LRP2: variants seen among roughly 807,000 people sequenced by gnomAD.
LRP2 encodes the protein LDL receptor related protein 2, also known as low-density lipoprotein receptor-related protein 2.
Under a neutral mutation model 531.0 loss-of-function variants are expected in LRP2, and 172 were observed. The ratio of observed to expected loss-of-function variants is 0.32; its 90% CI spans 0.29 to 0.37. The LOEUF is 0.37. LRP2 is among the 10% of genes least tolerant of loss of function. The pLI is 1.00. For missense variants in LRP2, 5,167 were observed against 5,868.3 expected (o/e 0.88, Z 3.90); for synonymous variants, 1,992 against 2,027.6 (o/e 0.98, Z 0.47).
intron 1 of LRP2, among the ~76,000 whole-genome samples, chr2:169,326,350 C>A (rs1393743365): frequency 6.6e-6 from 1 of 151,702 alleles, no homozygotes; most frequent in Non-Finnish European, 1.5e-5. Context: ...CGAGTGCCTG[C>A]GATTGCAGGC....
At chr2:169,320,024 G>A (rs1164894577) in intron 2 of LRP2, among the ~76,000 whole-genome samples, 1 of 152,140 alleles carries the variant, frequency 6.6e-6, no homozygotes, top group Non-Finnish European at 1.5e-5. Context: ...TCACCTGCTG[G>A]GATGAAGGAA....
intron 59 of LRP2, 103 bp from the exon 60 acceptor site, chr2:169,169,921 C>T: frequency 1.2e-6 from 1 of 808,602 alleles, no homozygotes; most frequent in Non-Finnish European, 2.2e-6. Context: ...TATCTACACC[C>T]TGTGACTGGC....
intron 38 of LRP2, 52 bp from the exon 39 acceptor site, chr2:169,207,302 A>G (rs1245870504): frequency 4.6e-6 from 6 of 1,316,728 alleles, no homozygotes; most frequent in African/African-American, 1.4e-5. Context: ...AAGAAGAAAA[A>G]AAGGGAGAAC....
rs1406675007 is a variant in LRP2, at chr2:169,269,830, A to G, written c.2320+1074T>C. Among the ~76,000 whole-genome samples the G allele has an allele frequency of 3.9e-5, 6 of 152,156 alleles. No homozygotes were observed. In the East Asian group the frequency reaches 9.7e-4, roughly 24 times the overall value. On this transcript the variant is annotated intron_variant, in intron 16 of 78. Transcript: ENST00000649046. ...AGAGTGAACAGGCAACCTACAGAAT[A>G]GGAGAAAATTTTTACAATCTACCCA... is the stretch of plus-strand genomic sequence containing the variant.
chr2:169,346,439 T>A (rs1685699098), intron 1 of LRP2, among the ~76,000 whole-genome samples: 1 of 151,820 alleles, frequency 6.6e-6, no homozygotes, highest in South Asian at 2.1e-4. Context: ...GAAAAAAAAA[T>A]GCAGAATTTT....
chr2:169,136,419 C>A (rs1206910268), intron 76 of LRP2, among the ~76,000 whole-genome samples: 1 of 152,060 alleles, frequency 6.6e-6, no homozygotes, highest in Non-Finnish European at 1.5e-5. Context: ...CCAAGCCAAG[C>A]CATCGCATCC....
chr2:169,259,051 C>T lies in LRP2; in HGVS notation c.2487G>A (p.Arg829=). 2 of 1,613,276 alleles carry T rather than the reference C, an allele frequency of 1.2e-6. No individual in the cohort carries two copies. Among genetic ancestry groups the T allele is most frequent in the Middle Eastern group, 1.7e-4 (1 of 6,054 alleles). ...CGGCAAAAGGATGAACTACCACCGA[C>T]CGTGGGTTATTTAAATACTGAACTA... is the stretch of plus-strand genomic sequence containing the variant. ...RTVVQYLNNP[R]SVVVHPFAGY... is the part of the protein sequence containing the mutation. The change falls in exon 17 of 79, where the codon CGG becomes CGA. Residue 829 remains arginine, a synonymous_variant. Coordinates refer to ENST00000649046, the MANE Select transcript of LRP2 (RefSeq NM_004525.3).
chr2:169,170,652 G>T lies in LRP2; in HGVS notation c.11279C>A (p.Thr3760Lys). 4 of 1,613,658 alleles carry T rather than the reference G, an allele frequency of 2.5e-6. No homozygotes were observed. Among genetic ancestry groups the T allele is most frequent in the Non-Finnish European group, 3.4e-6 (4 of 1,179,636 alleles). ...DEENCAPRECTESEFRCVNQQ... is the reference protein window; with the variant it reads ...DEENCAPRECKESEFRCVNQQ... Reference sequence around the variant, plus strand: ...ATTGACACATCGAAACTCGCTCTCTGTGCACTCCCGGGGAGCTGGAAAGGA... The same window carrying T: ...ATTGACACATCGAAACTCGCTCTCTTTGCACTCCCGGGGAGCTGGAAAGGA... The change falls in exon 59 of 79, where the codon ACA becomes AAA. Residue 3760 changes from threonine (T) to lysine (K), a missense_variant. Physicochemically the swap from Thr to Lys is moderately conservative, Grantham distance 78. Around this residue, in one of 6 missense-constraint regions of LRP2, gnomAD observed 564 missense variants for 747.7 expected, o/e 0.75. Transcript: ENST00000649046.
chr2:169,338,404 GAAA>G (rs1685477571), intron 1 of LRP2, among the ~76,000 whole-genome samples: 3 of 104,606 alleles, frequency 2.9e-5, no homozygotes, highest in Non-Finnish European at 5.9e-5. Flanking sequence ...AAGAAAGAAA[GAAA>G]GAAAAGAAAA....
intron 15 of LRP2, 27 bp from the exon 16 acceptor site, chr2:169,271,134 C>T: frequency 6.5e-7 from 1 of 1,527,308 alleles, no homozygotes; most frequent in Non-Finnish European, 9.1e-7. Context: ...ACAGCACAGT[C>T]AGTCACAGCA....
chr2:169,291,962 G>C (rs1684008883), intron 7 of LRP2, among the ~76,000 whole-genome samples: 1 of 152,178 alleles, frequency 6.6e-6, no homozygotes, highest in Non-Finnish European at 1.5e-5. Context: ...CAGGGAGAAA[G>C]TCAGACTGGG....
Position 169,172,223 on chromosome 2 carries a change from A to G in LRP2, c.11144-89T>C, listed in dbSNP as rs147092777. On this transcript the variant is annotated intron_variant, in intron 57 of 78. Coordinates refer to ENST00000649046, the MANE Select transcript of LRP2 (RefSeq NM_004525.3). ...GGCTTCCTTGTGAGACAGTCTGAGAATTGTATTAGCTCACTCTTGAAGCTC... is the reference window on the plus strand; with the variant it reads ...GGCTTCCTTGTGAGACAGTCTGAGAGTTGTATTAGCTCACTCTTGAAGCTC... The G allele has an allele frequency of 5.7e-3, 8,447 of 1,473,794 alleles. 33 individuals carry two copies. The highest frequency in any genetic ancestry group is 7.2e-3 in the Non-Finnish European group (7,580 of 1,058,664). 91.3% of individuals were successfully genotyped at this position (1,473,794 alleles called of 1,614,324 possible). A position where few individuals can be genotyped will look rare whatever the true frequency, so the allele number is the denominator to read the frequency against.
rs1688026417 is a variant in LRP2 at position 169,197,012 on chromosome 2, C to T, written c.8597G>A (p.Ser2866Asn). Residue 2866 changes from serine (S) to asparagine (N), a missense_variant, in exon 46 of 79, where the codon AGC (serine) becomes AAC (asparagine). Coordinates refer to ENST00000649046, the MANE Select transcript of LRP2 (RefSeq NM_004525.3). ...PTYCTTHTCS[S>N]SEFQCASGRC... ...CCCAGATGCGCATTGGAACTCACTG[C>T]TGCTGCACGTGTGAGTGGCTGCAGG... The T allele has an allele frequency of 6.2e-7, 1 of 1,613,868 alleles. No individual in the cohort carries two copies. Among genetic ancestry groups the T allele is most frequent in the Non-Finnish European group, 8.5e-7 (1 of 1,180,002 alleles).
intron 68 of LRP2, 89 bp downstream of exon 68, chr2:169,150,809 A>G: frequency 6.4e-7 from 1 of 1,553,442 alleles, no homozygotes; most frequent in East Asian, 2.3e-5. Flanking sequence ...TTTCAGTTAA[A>G]CTAGGAAAAA....
At chr2:169,190,017 G>A (rs1687776857) in intron 48 of LRP2, among the ~76,000 whole-genome samples, 1 of 152,158 alleles carries the variant, frequency 6.6e-6, no homozygotes, top group Admixed American at 6.6e-5. Context: ...AGATAACTTG[G>A]AGTCTGATCA....
Position 169,169,824 on chromosome 2 carries a change from G to T in LRP2, c.11381-6C>A. The stretch of plus-strand genomic sequence containing the variant: ...AGGATGGCAGGTCCTCATCTCTGAA[G>T]AGAAAAGATTGTCATTCCGAGAAGG... On this transcript the variant is annotated splice_polypyrimidine_tract_variant and splice_region_variant and intron_variant, in intron 59 of 78. Transcript: ENST00000649046. 6.3e-7 allele frequency: 1 copy of T among 1,586,240 alleles called. No homozygotes were observed. Among genetic ancestry groups the T allele is most frequent in the Admixed American group, 1.7e-5 (1 of 60,000 alleles).
At chr2:169,137,869 G>A (rs1447038767) in intron 75 of LRP2, among the ~76,000 whole-genome samples, 2 of 151,950 alleles carry the variant, frequency 1.3e-5, no homozygotes, top group Non-Finnish European at 2.9e-5. Flanking sequence ...AGAGGGGAAG[G>A]AAAAAGAATG....
chr2:169,340,232 T>C (rs1189460138), intron 1 of LRP2, among the ~76,000 whole-genome samples: 1 of 152,204 alleles, frequency 6.6e-6, no homozygotes, highest in Non-Finnish European at 1.5e-5. Flanking sequence ...TTTCTCATCA[T>C]TCTTGTTTCT....
chr2:169,351,769 T>C (rs1345710990), intron 1 of LRP2, among the ~76,000 whole-genome samples: 3 of 152,218 alleles, frequency 2.0e-5, no homozygotes, highest in Non-Finnish European at 4.4e-5. Flanking sequence ...GTTTTTCTCC[T>C]GCCATGTTTA....
Sources: gnomAD v4.1 joint callset for allele counts (sites outside exome capture counted in the v4.1 genomes callset) on GRCh38, gnomAD v4.1.1 for gene constraint, gnomAD v4.1.1 regional missense constraint, MANE v1.5 for transcripts, NCBI Gene and HGNC (gene_info 2026-07-23, HGNC 2026-07-21) for gene names.